Variants in SCNN1B observed in about 807,000 individuals in gnomAD.
SCNN1B encodes the protein sodium channel epithelial 1 subunit beta.
A neutral mutation model predicts 65.3 loss-of-function variants in SCNN1B; 46 were observed. The observed-to-expected ratio is 0.70, with a 90% CI of 0.56 to 0.90. The LOEUF (loss-of-function observed/expected upper bound fraction) is 0.90, where lower values mean the gene tolerates loss of function less well. SCNN1B is among the 40% of genes least tolerant of loss of function. The pLI, the probability that SCNN1B is intolerant of heterozygous loss-of-function variation, is 0.00. For missense variants in SCNN1B, 751 were observed against 830.5 expected, an observed-to-expected ratio of 0.90 and a Z score of 1.18; for synonymous variants, 349 against 330.6, an observed-to-expected ratio of 1.06 and a Z score of -0.60.
At chr16:23,279,808 C>T (rs574076368) in intron 1 of SCNN1B, among the ~76,000 whole-genome samples, 3 of 152,142 alleles carry the variant, frequency 2.0e-5, no homozygotes, top group Non-Finnish European at 2.9e-5. Flanking sequence ...CAGGCAGGGC[C>T]GGGCTTGCTG....
chr16:23,370,105 AT>A (rs368650924), intron 5 of SCNN1B, among the ~76,000 whole-genome samples: 5 of 148,154 alleles, frequency 3.4e-5, no homozygotes, highest in South Asian at 2.2e-4. Flanking sequence ...TAATTTTTGT[AT>A]TTTTTTTTCT....
In SCNN1B at chr16:23,348,299, A is replaced by C. The variant is rs1468132762; in HGVS notation, c.-8-293A>C. 2.0e-5 allele frequency among the ~76,000 whole-genome samples: 3 copies of C among 152,176 alleles called. No individual in the cohort carries two copies. The highest frequency in any genetic ancestry group is 4.4e-5 in the Non-Finnish European group (3 of 68,030). On this transcript the variant is annotated intron_variant, in intron 1 of 12. Coordinates refer to ENST00000343070, the MANE Select transcript of SCNN1B (RefSeq NM_000336.3). This position sits in a 1 kb window ranked among gnomAD's most constrained non-coding sequence, Gnocchi z 4.5. Reference sequence around the variant, plus strand: ...TGTTCACTAGGTTATGAATTCCCAAAGGGCAAAAAACCTTGTCCATTTTGC... The same window carrying C: ...TGTTCACTAGGTTATGAATTCCCAACGGGCAAAAAACCTTGTCCATTTTGC...
chr16:23,290,781 G>A (rs1253723544), intron 2 of SCNN1B, among the ~76,000 whole-genome samples: 1 of 152,178 alleles, frequency 6.6e-6, no homozygotes, highest in African/African-American at 2.4e-5. Flanking sequence ...ACCAAACCTA[G>A]TGAAGGTCTC....
At chr16:23,292,147 C>A (rs1337135763) in intron 2 of SCNN1B, among the ~76,000 whole-genome samples, 1 of 151,380 alleles carries the variant, frequency 6.6e-6, no homozygotes, top group South Asian at 2.1e-4. Flanking sequence ...TCATTCTCAG[C>A]AATCCCTTTT....
chr16:23,371,239 G>A (rs547141016), intron 5 of SCNN1B, 60 bp from the exon 6 acceptor site: 6 of 1,586,576 alleles, frequency 3.8e-6, no homozygotes, highest in Non-Finnish European at 4.3e-6. Flanking sequence ...AGTGGGTAGT[G>A]GGGTCTCCTT....
intron 5 of SCNN1B, among the ~76,000 whole-genome samples, chr16:23,370,290 G>A (rs1042580021): frequency 1.3e-5 from 2 of 152,094 alleles, no homozygotes; most frequent in South Asian, 2.1e-4. Flanking sequence ...ATTTTTAGTA[G>A]AGACGAGGTT....
intron 7 of SCNN1B, among the ~76,000 whole-genome samples, chr16:23,375,481 C>A (rs1177863218): frequency 1.3e-5 from 2 of 152,162 alleles, no homozygotes; most frequent in Non-Finnish European, 2.9e-5. Flanking sequence ...AATGGTGGGA[C>A]CTGGGATACT....
At chr16:23,315,107 C>G (rs1358965597) in intron 1 of SCNN1B, among the ~76,000 whole-genome samples, 2 of 152,070 alleles carry the variant, frequency 1.3e-5, no homozygotes, top group African/African-American at 4.8e-5. Flanking sequence ...GAGGCCAAGG[C>G]GGGCGGATCA....
chr16:23,279,929 T>G (rs1361866700), intron 1 of SCNN1B, among the ~76,000 whole-genome samples: 1 of 152,202 alleles, frequency 6.6e-6, no homozygotes, highest in Non-Finnish European at 1.5e-5. Context: ...CTGTCATGCC[T>G]ACTAGCACTG....
rs986554912 is a variant in SCNN1B at position 23,365,559 on chromosome 16, GAA to G, written c.777-2295_777-2294del. On this transcript the variant is annotated intron_variant, in intron 4 of 12. Coordinates refer to ENST00000343070, the MANE Select transcript of SCNN1B (RefSeq NM_000336.3). Reference sequence around the variant, plus strand: ...AGAAGGAAAGAGAAAGAAGGAAAGAGAAAGAAAGAAAGAAAGAAAGAAAGAAA... The same window carrying G: ...AGAAGGAAAGAGAAAGAAGGAAAGAGAGAAAGAAAGAAAGAAAGAAAGAAA... 1.2e-3 allele frequency among the ~76,000 whole-genome samples: 66 copies of G among 52,918 alleles called. 2 individuals are homozygous for G. Among genetic ancestry groups the G allele is most frequent in the African/African-American group, 0.011 (66 of 6,172 alleles). The allele number at this position is 52,918 out of a possible 152,430, so 34.7% of individuals were successfully genotyped here. A position where few individuals can be genotyped will look rare whatever the true frequency, so the allele number is the denominator to read the frequency against.
Position 23,381,151 on chromosome 16 carries a change from G to A in SCNN1B, c.*350G>A, listed in dbSNP as rs1963044316. On this transcript the variant is annotated 3_prime_UTR_variant, in exon 13 of 13. Coordinates refer to ENST00000343070, the MANE Select transcript of SCNN1B (RefSeq NM_000336.3). ...CTCCATCCACCCCAGAGAGGAACAGGCGGGTGGGCCATGTGGTTTTCTCCT... is the reference window on the plus strand; with the variant it reads ...CTCCATCCACCCCAGAGAGGAACAGACGGGTGGGCCATGTGGTTTTCTCCT... 1 of 357,824 alleles carries A rather than the reference G, an allele frequency of 2.8e-6. No homozygotes were observed. The highest frequency in any genetic ancestry group is 5.3e-6 in the Non-Finnish European group (1 of 190,238). 22.2% of individuals were successfully genotyped at this position (357,824 alleles called of 1,614,324 possible).
intron 3 of SCNN1B, 122 bp from the exon 4 acceptor site, chr16:23,355,177 G>C: frequency 1.1e-6 from 1 of 922,508 alleles, no homozygotes; most frequent in South Asian, 1.4e-5. Flanking sequence ...CCACCACCAA[G>C]TTGCAGCCAG....
At chr16:23,325,629 TC>T (rs1961679879) in intron 1 of SCNN1B, among the ~76,000 whole-genome samples, 1 of 151,952 alleles carries the variant, frequency 6.6e-6, no homozygotes, top group Non-Finnish European at 1.5e-5. Context: ...GGTACAAATA[TC>T]AGAATGCAAG....
chr16:23,287,313 A>T (rs1361256855), intron 2 of SCNN1B, among the ~76,000 whole-genome samples: 1 of 151,922 alleles, frequency 6.6e-6, no homozygotes, highest in Admixed American at 6.6e-5. Context: ...CCAAAAATTA[A>T]TTTTTTTAAA....
chr16:23,367,945 C>A lies in SCNN1B; in HGVS notation c.866C>A (p.Pro289His). The change falls in exon 5 of 13, where the codon CCT becomes CAT. Residue 289 changes from proline (P) to histidine (H), a missense_variant. Physicochemically the swap from Pro to His is moderately conservative, Grantham distance 77. Coordinates refer to ENST00000343070, the MANE Select transcript of SCNN1B (RefSeq NM_000336.3). ...GAGAAGGCACTTCCTTCGGCCAACC[C>A]TGGAACTGAATTCGGTGAGTTTTGG... The part of the protein sequence containing the change: ...MTEKALPSAN[P>H]GTEFGLKLIL... 1 of 1,613,652 alleles carries A rather than the reference C, an allele frequency of 6.2e-7. No homozygotes were observed. The highest frequency in any genetic ancestry group is 8.5e-7 in the Non-Finnish European group (1 of 1,179,522).
At chr16:23,332,194 C>CT (rs747733122) in intron 1 of SCNN1B, among the ~76,000 whole-genome samples, 1,976 of 145,310 alleles carry the variant, frequency 0.014, 19 homozygotes, top group Non-Finnish European at 0.019. Context: ...ATGCCCAGCT[C>CT]TTTTTTTTTT....
intron 1 of SCNN1B, among the ~76,000 whole-genome samples, chr16:23,304,630 A>G (rs1961156588): frequency 6.6e-6 from 1 of 152,234 alleles, no homozygotes; most frequent in African/African-American, 2.4e-5. Flanking sequence ...TGGACTGTCC[A>G]GGGTCCTGTT....
rs753802362 is a variant in SCNN1B at position 23,346,200 on chromosome 16, C to CTTTTTTTTTT, written c.-8-2372_-8-2363dup. Among the ~76,000 whole-genome samples, 359 of 78,004 alleles carry CTTTTTTTTTT rather than the reference C, an allele frequency of 4.6e-3. 49 individuals are homozygous for CTTTTTTTTTT. Among genetic ancestry groups the CTTTTTTTTTT allele is most frequent in the South Asian group, 0.017 (30 of 1,800 alleles). 51.2% of individuals were successfully genotyped at this position (78,004 alleles called of 152,430 possible). Reference sequence around the variant, plus strand: ...CCATGGAACACCCTTTTTTCCTTTTCTTTTTTTTTTTTTTTTTTTTTTTTT... The same window carrying CTTTTTTTTTT: ...CCATGGAACACCCTTTTTTCCTTTTCTTTTTTTTTTTTTTTTTTTTTTTTTTTTTTTTTTT... On this transcript the variant is annotated intron_variant, in intron 1 of 12. Coordinates refer to ENST00000343070, the MANE Select transcript of SCNN1B (RefSeq NM_000336.3).
chr16:23,318,603 C>T (rs959782555), intron 1 of SCNN1B, among the ~76,000 whole-genome samples: 2 of 152,002 alleles, frequency 1.3e-5, no homozygotes, highest in African/African-American at 4.8e-5. Context: ...ACTGAGACTT[C>T]GTCTAAAGAA....
Sources: gnomAD v4.1 joint callset for allele counts (sites outside exome capture counted in the v4.1 genomes callset) on GRCh38, gnomAD v4.1.1 for gene constraint, Gnocchi (gnomAD v3.1) non-coding constraint, MANE v1.5 for transcripts, NCBI Gene and HGNC (gene_info 2026-07-23, HGNC 2026-07-21) for gene names.